The following TLN2 variants were observed in gnomAD, a reference collection of about 807,000 sequenced individuals.
TLN2 encodes the protein talin 2, also known as talin-2.
In TLN2, 118 loss-of-function variants were observed where a neutral mutation model predicts 294.7. The observed-to-expected ratio is 0.40, with a 90% CI of 0.34 to 0.47. The LOEUF is 0.47. Among genes scored for constraint, TLN2 ranks in the 20% least tolerant of loss-of-function variants. The pLI is 0.84. For synonymous variants in TLN2, 1,431 were observed against 1,304.5 expected, an observed-to-expected ratio of 1.10 and a Z score of -2.09; for missense variants, 3,083 against 3,282.2, an observed-to-expected ratio of 0.94 and a Z score of 1.48.
intron 25 of TLN2, among the ~76,000 whole-genome samples, chr15:62,720,715 C>T (rs1248424432): frequency 6.6e-6 from 1 of 150,972 alleles, no homozygotes; most frequent in Non-Finnish European, 1.5e-5. Flanking sequence ...TGTATATAGG[C>T]CCTTTGTGTT....
intron 1 of TLN2, among the ~76,000 whole-genome samples, chr15:62,552,939 A>G (rs373430043): frequency 1.3e-4 from 20 of 152,190 alleles, no homozygotes; most frequent in African/African-American, 4.6e-4. Context: ...AGAATTGACT[A>G]TGTGTTTATT....
At chr15:62,651,279 A>G (rs1015133594) in intron 5 of TLN2, among the ~76,000 whole-genome samples, 2 of 152,194 alleles carry the variant, frequency 1.3e-5, no homozygotes, top group East Asian at 1.9e-4. Context: ...ATTGTAAGGC[A>G]TAAGTATGAC....
chr15:62,464,669 A>G (rs531807688), intron 1 of TLN2, among the ~76,000 whole-genome samples: 70 of 151,968 alleles, frequency 4.6e-4, no homozygotes, highest in African/African-American at 1.7e-3. Flanking sequence ...TTTTTTTGCA[A>G]TTAAATAATT....
chr15:62,809,789 G>T, intron 51 of TLN2, 136 bp from the exon 52 acceptor site: 1 of 736,050 alleles, frequency 1.4e-6, no homozygotes, highest in Non-Finnish European at 2.4e-6. Context: ...ACGTAGAGGA[G>T]AGATACCTCT....
intron 2 of TLN2, among the ~76,000 whole-genome samples, chr15:62,601,292 A>G (rs566254863): frequency 1.3e-5 from 2 of 152,358 alleles, no homozygotes; most frequent in Admixed American, 6.5e-5. Context: ...CACAACAAAA[A>G]TATATCTGAC....
intron 8 of TLN2, among the ~76,000 whole-genome samples, chr15:62,656,787 G>C (rs930963024): frequency 1.3e-5 from 2 of 152,112 alleles, no homozygotes; most frequent in African/African-American, 2.4e-5. Context: ...AGTTGTATTG[G>C]AACACAGCTT....
chr15:62,802,880 G>T (rs571753126), intron 50 of TLN2, among the ~76,000 whole-genome samples: 5 of 152,224 alleles, frequency 3.3e-5, no homozygotes, highest in African/African-American at 1.2e-4. Flanking sequence ...GTCTTCTTTT[G>T]AGAAATGTCT....
At chr15:62,561,988 C>T (rs2043003750) in intron 1 of TLN2, among the ~76,000 whole-genome samples, 1 of 152,138 alleles carries the variant, frequency 6.6e-6, no homozygotes, top group Non-Finnish European at 1.5e-5. Flanking sequence ...TGTTATCTCA[C>T]CTAGTATTAA....
chr15:62,432,680 C>T (rs957178185), intron 1 of TLN2, among the ~76,000 whole-genome samples: 9 of 152,136 alleles, frequency 5.9e-5, no homozygotes, highest in Non-Finnish European at 1.5e-5. Flanking sequence ...GGTGAAGAAA[C>T]TGCAGGAGGT....
At chr15:62,698,515 C>A (rs942430678) in intron 15 of TLN2, among the ~76,000 whole-genome samples, 2 of 152,228 alleles carry the variant, frequency 1.3e-5, no homozygotes, top group African/African-American at 4.8e-5. Flanking sequence ...TTAAGCTCTT[C>A]ACACACTTCT....
rs141083839 is a variant in TLN2 at position 62,551,448 on chromosome 15, G to A, written c.-237-38239G>A. 2.1e-3 allele frequency among the ~76,000 whole-genome samples: 317 copies of A among 152,154 alleles called. 3 individuals carry two copies. The highest frequency in any genetic ancestry group is 7.3e-3 in the African/African-American group (304 of 41,506). On this transcript the variant is annotated intron_variant, in intron 1 of 58. Transcript: ENST00000636159. ...GCACGTTGGGAGGCCGAGACAGGCA[G>A]ATCATGAGGTCAGGAGTTTGAGACC... is the stretch of plus-strand genomic sequence containing the variant.
At chr15:62,736,039 G>A (rs760086128) in intron 28 of TLN2, among the ~76,000 whole-genome samples, 9 of 152,150 alleles carry the variant, frequency 5.9e-5, no homozygotes, top group African/African-American at 1.4e-4. Flanking sequence ...AAGGCTGGGC[G>A]CAGTGGCTGA....
chr15:62,441,064 G>C (rs1008225818), intron 1 of TLN2, among the ~76,000 whole-genome samples: 1 of 152,130 alleles, frequency 6.6e-6, no homozygotes, highest in African/African-American at 2.4e-5. Context: ...AGCGTTTCCT[G>C]ATGAAGCTCA....
chr15:62,792,889 C>T (rs1461380935), intron 46 of TLN2, 102 bp downstream of exon 46: 165 of 1,504,566 alleles, frequency 1.1e-4, no homozygotes, highest in Non-Finnish European at 1.4e-4. Flanking sequence ...AAAACTAACC[C>T]AGCTGACTCA....
chr15:62,402,786 A>G (rs967598012), intron 1 of TLN2, among the ~76,000 whole-genome samples: 1 of 152,184 alleles, frequency 6.6e-6, no homozygotes, highest in Non-Finnish European at 1.5e-5. Context: ...TCATCTTCCT[A>G]TACTAAACTT....
At chr15:62,674,251 A>G (rs2055855119) in intron 10 of TLN2, among the ~76,000 whole-genome samples, 1 of 152,178 alleles carries the variant, frequency 6.6e-6, no homozygotes, top group Non-Finnish European at 1.5e-5. Flanking sequence ...GAATTTGGAA[A>G]TTAGTGCCTT....
At position 62,532,644 on chromosome 15, in the gene TLN2, G is replaced by C. The variant is rs776430647; in HGVS notation, c.-237-57043G>C. Among the ~76,000 whole-genome samples the C allele has an allele frequency of 2.6e-5, 4 of 152,054 alleles. No homozygotes were observed. In the South Asian group the frequency reaches 6.2e-4, roughly 24 times the overall value. ...TAGAAAAGCATTGCTCTTGCTTCACGTGACAAATGGTGATTTAGCAACAAA... is the reference window on the plus strand; with the variant it reads ...TAGAAAAGCATTGCTCTTGCTTCACCTGACAAATGGTGATTTAGCAACAAA... On this transcript the variant is annotated intron_variant, in intron 1 of 58. Coordinates refer to ENST00000636159, the MANE Select transcript of TLN2 (RefSeq NM_015059.3).
rs777672240 is a variant in TLN2 at position 62,761,740 on chromosome 15, C to A, written c.4698C>A (p.Pro1566=). ...ATAAGTGTCGCATCGCCACCGCACCCTTGATTGAAGCTGTGGAGAACCTGA... is the reference window on the plus strand; with the variant it reads ...ATAAGTGTCGCATCGCCACCGCACCATTGATTGAAGCTGTGGAGAACCTGA... ...NRNKCRIATA[P]LIEAVENLTA... Residue 1566 remains proline (P), a synonymous_variant, in exon 38 of 59, where the codon CCC becomes CCA. Transcript: ENST00000636159. 7 of 1,614,082 alleles carry A rather than the reference C, an allele frequency of 4.3e-6. No individual in the cohort carries two copies. Among genetic ancestry groups the A allele is most frequent in the Non-Finnish European group, 5.1e-6 (6 of 1,180,038 alleles).
At chr15:62,758,839 A>G (rs1459580365) in intron 37 of TLN2, among the ~76,000 whole-genome samples, 1 of 152,244 alleles carries the variant, frequency 6.6e-6, no homozygotes, top group Admixed American at 6.5e-5. Flanking sequence ...GTGAGTAGCA[A>G]GGTGACCTTG....
Sources: allele counts gnomAD v4.1 joint callset (sites outside exome capture counted in the v4.1 genomes callset), GRCh38; gene constraint gnomAD v4.1.1; transcripts MANE v1.5; gene names NCBI Gene and HGNC (gene_info 2026-07-23, HGNC 2026-07-21).